The following NKIRAS1 variants were observed in gnomAD, a reference collection of about 807,000 sequenced individuals.
NKIRAS1 encodes NFKB inhibitor interacting Ras like 1, also known as NF-kappa-B inhibitor-interacting Ras-like protein 1.
Under a neutral mutation model 19.8 loss-of-function variants are expected in NKIRAS1, and 16 were observed. The observed-to-expected ratio is 0.81, with a 90% CI of 0.55 to 1.23. The LOEUF (loss-of-function observed/expected upper bound fraction) is 1.23. NKIRAS1 is among the 50% of genes most tolerant of loss of function. NKIRAS1 has a pLI of 0.00. For missense variants in NKIRAS1, 184 were observed against 220.0 expected, an observed-to-expected ratio of 0.84 and a Z score of 1.04; for synonymous variants, 88 against 79.0, an observed-to-expected ratio of 1.11 and a Z score of -0.61.
At chr3:23,911,060 T>A in intron 2 of NKIRAS1, 139 bp from the exon 3 acceptor site, 6 of 654,994 alleles carry the variant, frequency 9.2e-6, no homozygotes, top group Non-Finnish European at 1.6e-5. Context: ...TAGAATAAGG[T>A]ATAGCCTTCC....
intron 1 of NKIRAS1, among the ~76,000 whole-genome samples, chr3:23,944,318 C>A (rs4131864): frequency 0.29 from 43,862 of 151,974 alleles, 6,744 homozygotes; most frequent in African/African-American, 0.39. Context: ...TTTTCCCCAC[C>A]TTCTATAGTG....
chr3:23,933,213 G>C (rs1363965224), intron 1 of NKIRAS1, among the ~76,000 whole-genome samples: 1 of 152,228 alleles, frequency 6.6e-6, no homozygotes, highest in Non-Finnish European at 1.5e-5. Context: ...AACAAATACA[G>C]TATTGTTCTG....
At chr3:23,901,461 G>A (rs1056619420) in intron 3 of NKIRAS1, among the ~76,000 whole-genome samples, 1 of 152,056 alleles carries the variant, frequency 6.6e-6, no homozygotes, top group Non-Finnish European at 1.5e-5. Flanking sequence ...TGGGATTACG[G>A]GTGTGAGGCA....
chr3:23,919,803 C>T, upstream of NKIRAS1: 1 of 1,073,006 alleles, frequency 9.3e-7, no homozygotes, highest in Non-Finnish European at 1.1e-6. Flanking sequence ...TGAAACTAGC[C>T]CTGTAGATTT....
At chr3:23,920,094 G>C (rs1052514182), upstream of NKIRAS1, 1 of 985,780 alleles carries the variant, frequency 1.0e-6, no homozygotes, top group African/African-American at 1.7e-5. Context: ...TTGAATGTGC[G>C]ATAAAATTAT....
intron 1 of NKIRAS1, among the ~76,000 whole-genome samples, chr3:23,935,911 C>G (rs1398702103): frequency 4.6e-5 from 7 of 152,002 alleles, no homozygotes; most frequent in Middle Eastern, 3.4e-3. Context: ...AAAACCTCGT[C>G]TCTACAAATA....
chr3:23,945,481 C>T, intron 1 of NKIRAS1: 1 of 740,264 alleles, frequency 1.4e-6, no homozygotes, highest in African/African-American at 1.9e-5. Flanking sequence ...GCGACCACCG[C>T]TGCTTCCAGC....
chr3:23,921,127 C>G (rs1427768690), upstream of NKIRAS1: 1 of 154,818 alleles, frequency 6.5e-6, no homozygotes, highest in African/African-American at 2.4e-5. Flanking sequence ...ATAGTGAGAC[C>G]TAAAAACAAA....
rs531021774 is a variant in NKIRAS1 at position 23,915,232 on chromosome 3, G to A, written c.-140+1552C>T. Among the ~76,000 whole-genome samples, 3 of 152,280 alleles carry A rather than the reference G, an allele frequency of 2.0e-5. No individual in the cohort carries two copies. The South Asian group carries it at 6.2e-4, about 32-fold the overall frequency. On this transcript the variant is annotated intron_variant, in intron 1 of 4. Coordinates refer to ENST00000425478, the MANE Select transcript of NKIRAS1 (RefSeq NM_020345.4). ...AGGACAGAAGGTGTAATTGGAAGAT[G>A]CTCCTTTGCTGGCTGTGAAGATGAA...
chr3:23,892,993 G>T lies in NKIRAS1; in HGVS notation c.*102C>A. ...CTTAGGAATTTTCCTAAGGACCAAA[G>T]GTAGATACAAATGGCCTATTTTAAA... is the stretch of plus-strand genomic sequence containing the variant. On this transcript the variant is annotated 3_prime_UTR_variant, in exon 5 of 5. Transcript: ENST00000425478. 2 of 1,256,274 alleles carry T rather than the reference G, an allele frequency of 1.6e-6. No individual in the cohort carries two copies. Among genetic ancestry groups the T allele is most frequent in the Non-Finnish European group, 2.1e-6 (2 of 936,770 alleles). The allele number at this position is 1,256,274 out of a possible 1,614,324, so 77.8% of individuals were successfully genotyped here. A position where few individuals can be genotyped will look rare whatever the true frequency, so the allele number is the denominator to read the frequency against.
At position 23,945,994 on chromosome 3, in the gene NKIRAS1, A is replaced by G. The variant is rs1705679591; in HGVS notation, c.-140+329T>C. On this transcript the variant is annotated intron_variant, in intron 1 of 4. Transcript: ENST00000421515. ...GTGAGGCCGCTCGGCTCCCTGACCC[A>G]CATTCCCCGGGGCCGCAGGGACACG... 1.2e-5 allele frequency: 7 copies of G among 590,230 alleles called. No individual in the cohort carries two copies. The South Asian group carries it at 2.1e-4, about 18-fold the overall frequency. The allele number at this position is 590,230 out of a possible 1,614,324, so 36.6% of individuals were successfully genotyped here. A position where few individuals can be genotyped will look rare whatever the true frequency, so the allele number is the denominator to read the frequency against.
At chr3:23,929,146 G>C (rs1705263482) in intron 1 of NKIRAS1, among the ~76,000 whole-genome samples, 1 of 152,132 alleles carries the variant, frequency 6.6e-6, no homozygotes, top group South Asian at 2.1e-4. Flanking sequence ...CAGACCACTT[G>C]AGGTCAGGAG....
chr3:23,920,505 C>T (rs777350963), upstream of NKIRAS1: 3 of 984,860 alleles, frequency 3.0e-6, no homozygotes, highest in African/African-American at 5.2e-5. Flanking sequence ...GAGTATACCA[C>T]CACATTGCAT....
chr3:23,936,236 G>T (rs1365713578), intron 1 of NKIRAS1, among the ~76,000 whole-genome samples: 1 of 152,098 alleles, frequency 6.6e-6, no homozygotes, highest in African/African-American at 2.4e-5. Flanking sequence ...ATAAACCCAA[G>T]CAATGTGCTC....
chr3:23,929,928 G>T (rs549663783), intron 1 of NKIRAS1, among the ~76,000 whole-genome samples: 2 of 151,760 alleles, frequency 1.3e-5, no homozygotes, highest in South Asian at 2.1e-4. Flanking sequence ...TCCAGTCTTT[G>T]TTTTTTTTAA....
chr3:23,941,581 T>TA (rs35785189), intron 1 of NKIRAS1, among the ~76,000 whole-genome samples: 8,469 of 152,258 alleles, frequency 0.056, 346 homozygotes, highest in Non-Finnish European at 0.089. Context: ...ACAGGATTAA[T>TA]AAATGAGGCT....
At chr3:23,928,689 TAA>T (rs10715656) in intron 1 of NKIRAS1, among the ~76,000 whole-genome samples, 4,574 of 116,834 alleles carry the variant, frequency 0.039, 268 homozygotes, top group African/African-American at 0.13. Context: ...GATTTAGGCT[TAA>T]AAAAAAAAAA....
chr3:23,926,946 A>G lies in NKIRAS1; in HGVS notation c.-139-15496T>C, dbSNP rs1705223780. On this transcript the variant is annotated intron_variant, in intron 1 of 4. Coordinates refer to the NKIRAS1 transcript ENST00000421515. The surrounding 1 kb of genome is among the most constrained non-coding windows in gnomAD (Gnocchi z 4.3). ...CAATAGGGGGTGACATGCACCAACA[A>G]GCTACACTTTGACCATCAGCTGCCC... 6.6e-6 allele frequency among the ~76,000 whole-genome samples: 1 copy of G among 152,186 alleles called. No individual in the cohort carries two copies. Among genetic ancestry groups the G allele is most frequent in the Admixed American group, 6.5e-5 (1 of 15,280 alleles).
rs1279186052 is a variant in NKIRAS1, at chr3:23,946,202, A to G, written c.-140+121T>C. The G allele has an allele frequency of 9.1e-6, 9 of 985,352 alleles. No individual in the cohort carries two copies. The East Asian group carries it at 1.0e-3, about 113-fold the overall frequency. The allele number at this position is 985,352 out of a possible 1,614,324, so 61.0% of individuals were successfully genotyped here. The stretch of plus-strand genomic sequence containing the variant: ...GAGCCCCCGCGGCGGGGCGTCCCCG[A>G]AGCGGGCGCTGACACCGCAGTGCAC... On this transcript the variant is annotated intron_variant, in intron 1 of 4. Coordinates refer to the NKIRAS1 transcript ENST00000421515.
Sources: allele counts gnomAD v4.1 joint callset (sites outside exome capture counted in the v4.1 genomes callset), GRCh38; gene constraint gnomAD v4.1.1; non-coding constraint Gnocchi (gnomAD v3.1); transcripts MANE v1.5; gene names NCBI Gene and HGNC (gene_info 2026-07-23, HGNC 2026-07-21).